The following WDFY4 variants were observed in gnomAD, a reference collection of about 807,000 sequenced individuals.
WDFY4 encodes the protein WD repeat- and FYVE domain-containing protein 4.
WDFY4 carries 169 observed loss-of-function variants against 351.9 expected under a neutral mutation model. The observed-to-expected ratio is 0.48, with a 90% CI of 0.42 to 0.55. The LOEUF (loss-of-function observed/expected upper bound fraction) is 0.55. WDFY4 is among the 20% of genes least tolerant of loss of function. WDFY4 has a pLI of 0.00. For missense variants in WDFY4, 3,803 were observed against 3,935.6 expected (o/e 0.97, Z 0.90); for synonymous variants, 1,622 against 1,574.6 (o/e 1.03, Z -0.71).
chr10:48,826,479 A>T (rs1419884660), intron 35 of WDFY4, among the ~76,000 whole-genome samples, 192 bp from the exon 36 acceptor site: 1 of 152,174 alleles, frequency 6.6e-6, no homozygotes, highest in African/African-American at 2.4e-5. Flanking sequence ...ATGAATTTTA[A>T]AATAGTTTCT....
At chr10:48,864,874 T>C (rs747736095) in intron 39 of WDFY4, among the ~76,000 whole-genome samples, 8 of 152,216 alleles carry the variant, frequency 5.3e-5, no homozygotes, top group Non-Finnish European at 1.0e-4. Flanking sequence ...TGTTTATTAG[T>C]GGTGGATAGG....
intron 24 of WDFY4, 146 bp from the exon 25 acceptor site, chr10:48,803,140 C>A: frequency 5.3e-6 from 4 of 761,776 alleles, no homozygotes; most frequent in Non-Finnish European, 8.7e-6. Flanking sequence ...AGTGTCAGGA[C>A]AGCTGATCTG....
intron 2 of WDFY4, among the ~76,000 whole-genome samples, chr10:48,718,361 T>G (rs1360842372): frequency 6.6e-6 from 1 of 152,210 alleles, no homozygotes; most frequent in Non-Finnish European, 1.5e-5. Flanking sequence ...TTTGAAGGCT[T>G]TTATGTTTTA....
chr10:48,790,873 A>ACC lies in WDFY4; in HGVS notation c.4213_4214insCC (p.Asn1405ThrfsTer8). The ACC allele has an allele frequency of 6.4e-7, 1 of 1,551,746 alleles. No homozygotes were observed. Among genetic ancestry groups the ACC allele is most frequent in the Non-Finnish European group, 8.7e-7 (1 of 1,147,002 alleles). On this transcript the variant is annotated frameshift_variant, in exon 23 of 62. Transcript: ENST00000325239. LOFTEE classifies it high-confidence loss of function. ...AGTTCTGCACTCGGTCCTGACCAGT[A>ACC]ATGCCATGTGTGACTTCCTGATGCA...
At position 48,769,798 on chromosome 10, in the gene WDFY4, T is replaced by C. The variant is rs371474894; in HGVS notation, c.2554-4660T>C. The stretch of plus-strand genomic sequence containing the variant: ...ACAGAGAGAGAGCGATACATAAGAA[T>C]GAACATCCACAGACAGACAGCGTGG... On this transcript the variant is annotated intron_variant, in intron 13 of 61. Transcript: ENST00000325239. Among the ~76,000 whole-genome samples the C allele has an allele frequency of 2.6e-5, 4 of 152,182 alleles. No homozygotes were observed. The East Asian group carries it at 7.7e-4, about 29-fold the overall frequency.
chr10:48,925,367 T>G (rs531674205), intron 47 of WDFY4, among the ~76,000 whole-genome samples: 52 of 152,196 alleles, frequency 3.4e-4, no homozygotes, highest in African/African-American at 1.3e-3. Flanking sequence ...GTCCTGTGTA[T>G]GTAATGGGTG....
chr10:48,851,901 T>C (rs929066920), intron 39 of WDFY4, among the ~76,000 whole-genome samples: 3 of 152,238 alleles, frequency 2.0e-5, no homozygotes, highest in African/African-American at 7.2e-5. Flanking sequence ...GAGGAGGCAC[T>C]GGGAGAGCAG....
chr10:48,806,183 G>A, intron 27 of WDFY4, 88 bp downstream of exon 27: 1 of 1,365,898 alleles, frequency 7.3e-7, no homozygotes, highest in South Asian at 1.2e-5. Context: ...GAGGGGCTAA[G>A]TAAGGAAGGG....
intron 13 of WDFY4, among the ~76,000 whole-genome samples, chr10:48,769,186 A>G (rs945040424): frequency 4.6e-5 from 7 of 152,128 alleles, no homozygotes; most frequent in South Asian, 2.1e-4. Flanking sequence ...GGCCCTTTAC[A>G]TGTGGATTCT....
chr10:48,778,921 A>G, intron 18 of WDFY4, 89 bp downstream of exon 18: 1 of 1,376,794 alleles, frequency 7.3e-7, no homozygotes, highest in South Asian at 1.3e-5. Flanking sequence ...GTGGTTAGAA[A>G]CCTGGTGACC....
chr10:48,692,329 A>C (rs1263167008), intron 1 of WDFY4, among the ~76,000 whole-genome samples: 1 of 152,168 alleles, frequency 6.6e-6, no homozygotes, highest in Admixed American at 6.5e-5. Flanking sequence ...GAGTGACAGG[A>C]ACAGAAGGGC....
intron 1 of WDFY4, among the ~76,000 whole-genome samples, chr10:48,707,223 G>A (rs1288928212): frequency 6.6e-6 from 1 of 152,154 alleles, no homozygotes; most frequent in African/African-American, 2.4e-5. Flanking sequence ...ACAATGCAAG[G>A]TCTCTTTCCT....
intron 46 of WDFY4, among the ~76,000 whole-genome samples, chr10:48,901,080 G>A (rs1286068579): frequency 6.6e-6 from 1 of 152,202 alleles, no homozygotes; most frequent in Non-Finnish European, 1.5e-5. Context: ...TAGTGGCCCT[G>A]TGGAACTGGC....
At chr10:48,760,481 G>T in intron 13 of WDFY4, 41 bp downstream of exon 13, 1 of 1,538,584 alleles carries the variant, frequency 6.5e-7, no homozygotes, top group South Asian at 1.2e-5. Context: ...ATCTTCACAT[G>T]ACTGATCTCT....
At chr10:48,701,077 C>T (rs1294138287) in intron 1 of WDFY4, among the ~76,000 whole-genome samples, 3 of 152,158 alleles carry the variant, frequency 2.0e-5, no homozygotes, top group Non-Finnish European at 2.9e-5. Flanking sequence ...TAAACGCTAC[C>T]TCCCCATGCA....
intron 22 of WDFY4, among the ~76,000 whole-genome samples, chr10:48,790,201 A>G (rs1373791907): frequency 6.6e-6 from 1 of 152,216 alleles, no homozygotes; most frequent in African/African-American, 2.4e-5. Context: ...ATCAGTGGTG[A>G]GCTCAGCTAC....
At chr10:48,897,133 C>G (rs553025764) in intron 44 of WDFY4, among the ~76,000 whole-genome samples, 24 of 152,352 alleles carry the variant, frequency 1.6e-4, no homozygotes, top group Admixed American at 3.9e-4. Flanking sequence ...CCCTCATACC[C>G]TTTGTCAGCA....
chr10:48,809,779 G>A (rs913248276), intron 28 of WDFY4, among the ~76,000 whole-genome samples: 1 of 152,226 alleles, frequency 6.6e-6, no homozygotes, highest in African/African-American at 2.4e-5. Context: ...CAGAGGCAGG[G>A]CTAGAAAAGA....
intron 43 of WDFY4, chr10:48,883,973 T>A (rs561580018): frequency 3.5e-4 from 54 of 152,342 alleles, no homozygotes; most frequent in African/African-American, 1.3e-3. Context: ...GAGGAGTGAC[T>A]GATTTAATGC....
Sources: allele counts gnomAD v4.1 joint callset (sites outside exome capture counted in the v4.1 genomes callset), GRCh38; gene constraint gnomAD v4.1.1; transcripts MANE v1.5; gene names NCBI Gene and HGNC (gene_info 2026-07-23, HGNC 2026-07-21).